Variants in CDH12 observed in about 807,000 individuals in gnomAD.
The protein encoded by CDH12 is cadherin 12.
Under a neutral mutation model 74.1 loss-of-function variants are expected in CDH12, and 41 were observed. The observed-to-expected ratio is 0.55, with a 90% confidence interval of 0.43 to 0.72. The LOEUF (loss-of-function observed/expected upper bound fraction) is 0.72. Ranked by LOEUF, CDH12 falls within the 30% of genes least tolerant of loss-of-function variation. CDH12 has a pLI of 0.00. For missense variants in CDH12, 945 were observed against 977.2 expected, an observed-to-expected ratio of 0.97 and a Z score of 0.44; for synonymous variants, 399 against 355.0, an observed-to-expected ratio of 1.12 and a Z score of -1.39.
chr5:22,841,175 C>G (rs1038473233), intron 1 of CDH12, among the ~76,000 whole-genome samples: 1 of 152,142 alleles, frequency 6.6e-6, no homozygotes. Flanking sequence ...TAAGCAATTA[C>G]TACTACGGGA....
chr5:22,522,148 T>C (rs1375236172), intron 1 of CDH12, among the ~76,000 whole-genome samples: 3 of 152,198 alleles, frequency 2.0e-5, no homozygotes, highest in African/African-American at 7.2e-5. Context: ...CATTTGAAGA[T>C]GACTAAGTAT....
intron 11 of CDH12, among the ~76,000 whole-genome samples, chr5:21,777,690 C>T (rs1015656216): frequency 3.3e-5 from 5 of 152,076 alleles, no homozygotes; most frequent in African/African-American, 7.2e-5. Context: ...AAGATTTCAC[C>T]ATGTTGGCCA....
At chr5:21,910,543 C>T (rs979708943) in intron 6 of CDH12, among the ~76,000 whole-genome samples, 2 of 152,132 alleles carry the variant, frequency 1.3e-5, no homozygotes, top group African/African-American at 4.8e-5. Flanking sequence ...GCATGGGTCT[C>T]ATGGCGTCCC....
Position 21,752,126 on chromosome 5 carries a change from C to T in CDH12, c.1996G>A (p.Gly666Arg), listed in dbSNP as rs1479682932. The change falls in exon 15 of 15, where the codon GGG becomes AGG. Residue 666 changes from glycine to arginine, a missense_variant. Around this residue, in one of 3 missense-constraint regions of CDH12, gnomAD observed 791 missense variants for 792.8 expected, o/e 1.00. Coordinates refer to ENST00000382254, the MANE Select transcript of CDH12 (RefSeq NM_004061.5). ...TCGAAAGCCTGGGTATCTTCCTCCC[C>T]ACCTCCTTCATCATCGTAATGGATG... ...NVIHYDDEGG[G>R]EEDTQAFDIG... 1.2e-6 allele frequency: 2 copies of T among 1,614,106 alleles called. No individual in the cohort carries two copies. The highest frequency in any genetic ancestry group is 1.7e-5 in the Admixed American group (1 of 60,002).
At chr5:21,784,833 G>A (rs6868268) in intron 10 of CDH12, among the ~76,000 whole-genome samples, 12,926 of 152,122 alleles carry the variant, frequency 0.085, 912 homozygotes, top group African/African-American at 0.18. Context: ...TCAGTTCTAG[G>A]TCACCTGCAT....
At chr5:22,093,641 A>G (rs1182112307) in intron 4 of CDH12, among the ~76,000 whole-genome samples, 3 of 152,176 alleles carry the variant, frequency 2.0e-5, no homozygotes, top group Non-Finnish European at 2.9e-5. Context: ...ATGATTGCCA[A>G]CGGGTTTGGG....
intron 3 of CDH12, among the ~76,000 whole-genome samples, chr5:22,279,995 A>T (rs952219743): frequency 3.3e-5 from 5 of 152,156 alleles, no homozygotes; most frequent in Non-Finnish European, 7.3e-5. Context: ...TCCCACCAAC[A>T]GTGTAAAAGT....
intron 5 of CDH12, among the ~76,000 whole-genome samples, chr5:22,069,281 G>A (rs1158180160): frequency 6.6e-6 from 1 of 152,110 alleles, no homozygotes; most frequent in South Asian, 2.1e-4. Context: ...CTTGAAGGGA[G>A]GGTGAAATAG....
intron 11 of CDH12, among the ~76,000 whole-genome samples, chr5:21,775,636 A>T (rs2149888946): frequency 6.6e-6 from 1 of 152,034 alleles, no homozygotes; most frequent in East Asian, 1.9e-4. Flanking sequence ...CCTTCCTTCC[A>T]TGATGATTTT....
At chr5:22,820,110 T>G (rs1371735406) in intron 1 of CDH12, among the ~76,000 whole-genome samples, 1 of 150,350 alleles carries the variant, frequency 6.7e-6, no homozygotes, top group Non-Finnish European at 1.5e-5. Context: ...GAACAGAAAT[T>G]TCATTAAAAA....
intron 3 of CDH12, among the ~76,000 whole-genome samples, chr5:22,256,455 C>T (rs12518192): frequency 0.97 from 147,840 of 152,284 alleles, 71,907 homozygotes; most frequent in East Asian, 1. Context: ...TTATGTACAG[C>T]ACATAATAAT....
At position 22,481,137 on chromosome 5, in the gene CDH12, A is replaced by G. The variant is rs1339375665; in HGVS notation, c.-428+24133T>C. Reference sequence around the variant, plus strand: ...ATTGCCAAAATTGAGATACAAATCAAAACAACAGTGAGATATCGCCTCATG... The same window carrying G: ...ATTGCCAAAATTGAGATACAAATCAGAACAACAGTGAGATATCGCCTCATG... On this transcript the variant is annotated intron_variant, in intron 2 of 14. Transcript: ENST00000382254. Among the ~76,000 whole-genome samples, 3 of 152,228 alleles carry G rather than the reference A, an allele frequency of 2.0e-5. No homozygotes were observed. In the East Asian group the frequency reaches 5.8e-4, roughly 29 times the overall value.
chr5:22,515,706 A>G (rs1736781469), intron 1 of CDH12, among the ~76,000 whole-genome samples: 1 of 152,088 alleles, frequency 6.6e-6, no homozygotes, highest in Admixed American at 6.5e-5. Flanking sequence ...GATGATCTCT[A>G]ATTAAAAATT....
At chr5:21,778,312 T>C (rs1745706161) in intron 11 of CDH12, among the ~76,000 whole-genome samples, 1 of 152,088 alleles carries the variant, frequency 6.6e-6, no homozygotes, top group Admixed American at 6.6e-5. Flanking sequence ...ACTCTGCAGG[T>C]TCATTGAAAG....
chr5:21,860,316 G>T (rs765586160), intron 6 of CDH12, among the ~76,000 whole-genome samples: 2 of 151,982 alleles, frequency 1.3e-5, no homozygotes, highest in Non-Finnish European at 2.9e-5. Flanking sequence ...GGATTAGTGT[G>T]CTTCGGGTTG....
intron 10 of CDH12, among the ~76,000 whole-genome samples, chr5:21,784,913 A>AC (rs776489885): frequency 1.2e-4 from 19 of 152,084 alleles, no homozygotes; most frequent in Admixed American, 6.5e-5. Flanking sequence ...GGTATACCTT[A>AC]TTTCATGGCT....
chr5:22,041,239 A>T (rs926950460), intron 5 of CDH12, among the ~76,000 whole-genome samples: 2 of 152,124 alleles, frequency 1.3e-5, no homozygotes, highest in Non-Finnish European at 2.9e-5. Context: ...GAAAATTACA[A>T]AAATAAACAA....
chr5:21,942,806 TC>T (rs1438006757), intron 6 of CDH12, among the ~76,000 whole-genome samples: 2 of 152,076 alleles, frequency 1.3e-5, no homozygotes, highest in Non-Finnish European at 2.9e-5. Flanking sequence ...CAATATATAA[TC>T]CCCCAAAAAT....
At chr5:22,852,905 G>C (rs971900180) in intron 1 of CDH12, among the ~76,000 whole-genome samples, 153 bp downstream of exon 1, 2 of 152,162 alleles carry the variant, frequency 1.3e-5, no homozygotes, top group African/African-American at 4.8e-5. Context: ...CCACGCACAA[G>C]CTCCTAATTC....
Sources: gnomAD v4.1 joint callset for allele counts (sites outside exome capture counted in the v4.1 genomes callset) on GRCh38, gnomAD v4.1.1 for gene constraint, gnomAD v4.1.1 regional missense constraint, MANE v1.5 for transcripts, NCBI Gene and HGNC (gene_info 2026-07-23, HGNC 2026-07-21) for gene names.